Variants in SCML2 observed in about 807,000 individuals in gnomAD.
SCML2 encodes the protein Scm polycomb group protein like 2, also known as sex comb on midleg-like protein 2.
SCML2 carries 6 observed loss-of-function variants against 48.4 expected under a neutral mutation model. The ratio of observed to expected loss-of-function variants is 0.12; its 90% CI spans 0.07 to 0.24. The LOEUF is 0.24. Among genes scored for constraint, SCML2 ranks in the 10% least tolerant of loss-of-function variants. SCML2 has a pLI of 1.00. For synonymous variants in SCML2, 181 were observed against 189.5 expected, an observed-to-expected ratio of 0.95 and a Z score of 0.37; for missense variants, 377 against 528.2, an observed-to-expected ratio of 0.71 and a Z score of 2.81.
chrX:18,263,940 C>T (rs1262757853), intron 8 of SCML2, among the ~76,000 whole-genome samples: 1 of 107,622 alleles, frequency 9.3e-6, no homozygotes, highest in Non-Finnish European at 1.9e-5. Context: ...CTTTTTCATT[C>T]TTACATTGTT....
At chrX:18,353,952 C>A (rs1186993999) in intron 1 of SCML2, among the ~76,000 whole-genome samples, 1 of 112,855 alleles carries the variant, frequency 8.9e-6, no homozygotes, top group Non-Finnish European at 1.9e-5. Context: ...GCCTCTCCGC[C>A]CCTCAGGAGG....
chrX:18,284,527 T>A (rs981133787), intron 7 of SCML2, among the ~76,000 whole-genome samples: 2 of 111,463 alleles, frequency 1.8e-5, no homozygotes, highest in Non-Finnish European at 3.8e-5. Flanking sequence ...AAGTCTAATA[T>A]CCAGAATCTA....
At chrX:18,305,461 T>C (rs769210530) in intron 6 of SCML2, among the ~76,000 whole-genome samples, 76 of 111,693 alleles carry the variant, frequency 6.8e-4, no homozygotes, top group Non-Finnish European at 9.4e-4. Context: ...GCCGGGTTCA[T>C]TCATTCAAGA....
chrX:18,317,763 G>A (rs1929173909), intron 6 of SCML2, among the ~76,000 whole-genome samples: 1 of 106,490 alleles, frequency 9.4e-6, no homozygotes, highest in African/African-American at 3.4e-5. Flanking sequence ...GAACCCGGGA[G>A]GCGGAGCTTG....
At chrX:18,264,431 T>TTGTG (rs149069692) in intron 8 of SCML2, among the ~76,000 whole-genome samples, 921 of 83,917 alleles carry the variant, frequency 0.011, 11 homozygotes, top group South Asian at 0.019. Flanking sequence ...ATCAGTACGA[T>TTGTG]TGTGTGTGTG....
intron 7 of SCML2, among the ~76,000 whole-genome samples, chrX:18,292,425 G>A (rs1023198576): frequency 1.8e-5 from 2 of 110,776 alleles, no homozygotes; most frequent in Non-Finnish European, 3.8e-5. Context: ...ATTGGGTTAA[G>A]TAAATTATGG....
At chrX:18,244,652 T>C (rs1036706839) in intron 13 of SCML2, among the ~76,000 whole-genome samples, 6 of 111,711 alleles carry the variant, frequency 5.4e-5, no homozygotes, top group Non-Finnish European at 1.1e-4. Flanking sequence ...AGTCCAGTCA[T>C]GCTTTTCTCC....
upstream of SCML2, chrX:18,354,713 A>G (rs1158395332): frequency 3.9e-6 from 1 of 258,355 alleles, no homozygotes. Flanking sequence ...ATGCCCCGCA[A>G]CCGCCACTGC....
intron 7 of SCML2, among the ~76,000 whole-genome samples, chrX:18,294,834 G>C (rs1373276029): frequency 9.0e-6 from 1 of 111,143 alleles, no homozygotes; most frequent in Non-Finnish European, 1.9e-5. Context: ...GTGCTCCATA[G>C]AGTCTAAGAA....
In SCML2 at chrX:18,251,816, T is replaced by C. The variant is rs749013944; in HGVS notation, c.1457-3934A>G. 4.2e-3 allele frequency among the ~76,000 whole-genome samples: 474 copies of C among 112,494 alleles called. 5 individuals are homozygous for C. The highest frequency in any genetic ancestry group is 0.014 in the African/African-American group (440 of 30,982). On this transcript the variant is annotated intron_variant, in intron 11 of 14. Transcript: ENST00000251900. ...GAACACGTATCCACACAAAAACTTA[T>C]ATACAAATGTTCATTGCAGCAGCAT...
chrX:18,284,060 C>T (rs1436076869), intron 7 of SCML2, among the ~76,000 whole-genome samples: 1 of 111,553 alleles, frequency 9.0e-6, no homozygotes, highest in East Asian at 2.8e-4. Context: ...GGTACTGGTA[C>T]AAAAACAGAC....
At chrX:18,333,546 A>G (rs1929718835) in intron 2 of SCML2, among the ~76,000 whole-genome samples, 1 of 112,311 alleles carries the variant, frequency 8.9e-6, no homozygotes, top group African/African-American at 3.2e-5. Context: ...AAGAGACTAC[A>G]CTAAACTGAT....
rs751064601 is a variant in SCML2, at chrX:18,354,090, C to T, written c.-25+502G>A. Among the ~76,000 whole-genome samples the T allele has an allele frequency of 3.8e-3, 430 of 112,443 alleles. 3 individuals are homozygous for T. Among genetic ancestry groups the T allele is most frequent in the African/African-American group, 0.013 (419 of 31,082 alleles). On this transcript the variant is annotated intron_variant, in intron 1 of 14. Coordinates refer to ENST00000251900, the MANE Select transcript of SCML2 (RefSeq NM_006089.3). ...GAGCCCGGCGGCGCGCACCTTGGCACCAGGATTTGCGCCCGCACGCCGCCA... is the reference window on the plus strand; with the variant it reads ...GAGCCCGGCGGCGCGCACCTTGGCATCAGGATTTGCGCCCGCACGCCGCCA...
At chrX:18,294,236 T>C (rs1233396816) in intron 7 of SCML2, among the ~76,000 whole-genome samples, 7 of 111,336 alleles carry the variant, frequency 6.3e-5, no homozygotes, top group Non-Finnish European at 9.4e-5. Context: ...ATATTAAGTA[T>C]ATAATCTTCA....
intron 7 of SCML2, among the ~76,000 whole-genome samples, chrX:18,276,248 T>C (rs936554902): frequency 3.7e-5 from 4 of 106,751 alleles, no homozygotes; most frequent in African/African-American, 1.4e-4. Flanking sequence ...GAGCCAAGAT[T>C]GCACGACTGC....
At chrX:18,269,945 T>A (rs1390727392) in intron 7 of SCML2, among the ~76,000 whole-genome samples, 2 of 110,835 alleles carry the variant, frequency 1.8e-5, no homozygotes, top group African/African-American at 6.6e-5. Flanking sequence ...AAAGTATATA[T>A]ATTTGTTCTA....
chrX:18,321,110 C>T (rs557715371), intron 5 of SCML2, among the ~76,000 whole-genome samples: 1 of 111,377 alleles, frequency 9.0e-6, no homozygotes, highest in Middle Eastern at 4.6e-3. Context: ...CATGGGGGTA[C>T]TCACTGTAAA....
rs1308714657 is a variant in SCML2 at position 18,354,652 on chromosome X, G to C, written c.-85C>G. 2.1e-5 allele frequency: 6 copies of C among 287,528 alleles called. No individual in the cohort carries two copies. The allele number at this position is 287,528 out of a possible 1,213,427, so 23.7% of individuals were successfully genotyped here. A position where few individuals can be genotyped will look rare whatever the true frequency, so the allele number is the denominator to read the frequency against. On this transcript the variant is annotated 5_prime_UTR_variant, in exon 1 of 15. Transcript: ENST00000251900. Reference sequence around the variant, plus strand: ...CCCACCGATCGCGCGAGCCGGCACCGAGCTTCACACCGCCGCCGCCATGTT... The same window carrying C: ...CCCACCGATCGCGCGAGCCGGCACCCAGCTTCACACCGCCGCCGCCATGTT...
chrX:18,247,917 C>G (rs371533336), intron 11 of SCML2, 35 bp from the exon 12 acceptor site: 2 of 993,046 alleles, frequency 2.0e-6, no homozygotes, highest in Non-Finnish European at 2.9e-6. Context: ...TCTGTTATAA[C>G]GAACTAATAT....
Sources: gnomAD v4.1 joint callset for allele counts (sites outside exome capture counted in the v4.1 genomes callset) on GRCh38, gnomAD v4.1.1 for gene constraint, MANE v1.5 for transcripts, NCBI Gene and HGNC (gene_info 2026-07-23, HGNC 2026-07-21) for gene names.